CNGB3: variants seen among roughly 807,000 people sequenced by gnomAD.
CNGB3 encodes cyclic nucleotide-gated channel beta-3.
CNGB3 carries 86 observed loss-of-function variants against 92.8 expected under a neutral mutation model. The observed-to-expected ratio is 0.93, with a 90% CI of 0.78 to 1.11. The LOEUF is 1.11. CNGB3 is among the 50% of genes least tolerant of loss of function. The pLI, the probability that CNGB3 is intolerant of heterozygous loss-of-function variation, is 0.00. For synonymous variants in CNGB3, 333 were observed against 332.7 expected (o/e 1.00, Z -0.01); for missense variants, 1,026 against 956.8 (o/e 1.07, Z -0.95).
intron 1 of CNGB3, among the ~76,000 whole-genome samples, chr8:86,740,043 G>A (rs920729986): frequency 6.6e-6 from 1 of 152,156 alleles, no homozygotes; most frequent in African/African-American, 2.4e-5. Context: ...TTTAGTGGTA[G>A]AACTTAAAAT....
chr8:86,617,180 A>T (rs73271568), intron 13 of CNGB3, among the ~76,000 whole-genome samples: 3,604 of 152,284 alleles, frequency 0.024, 148 homozygotes, highest in African/African-American at 0.081. Flanking sequence ...AGGAAATTCC[A>T]CTTTTAATAA....
At chr8:86,677,999 C>T (rs116128698) in intron 3 of CNGB3, among the ~76,000 whole-genome samples, 1,973 of 152,144 alleles carry the variant, frequency 0.013, 38 homozygotes, top group African/African-American at 0.045. Context: ...CGACTTATTT[C>T]TCAAAAATCC....
chr8:86,690,118 G>C (rs1824279238), intron 3 of CNGB3, among the ~76,000 whole-genome samples: 2 of 152,170 alleles, frequency 1.3e-5, no homozygotes, highest in South Asian at 2.1e-4. Context: ...TCTAGTTCTA[G>C]ATCCCTGAGG....
At chr8:86,740,965 T>C (rs12334406) in intron 1 of CNGB3, among the ~76,000 whole-genome samples, 8,531 of 152,208 alleles carry the variant, frequency 0.056, 398 homozygotes, top group African/African-American at 0.13. Context: ...TTTATGTGTA[T>C]ACAAATGTAG....
intron 1 of CNGB3, among the ~76,000 whole-genome samples, chr8:86,740,144 TC>T (rs1175575354): frequency 2.0e-5 from 3 of 152,214 alleles, no homozygotes; most frequent in African/African-American, 7.2e-5. Context: ...ATTTGTCTGA[TC>T]ATCTAAGCTT....
chr8:86,670,541 C>T (rs1036727969), intron 4 of CNGB3, among the ~76,000 whole-genome samples: 1 of 152,026 alleles, frequency 6.6e-6, no homozygotes, highest in African/African-American at 2.4e-5. Flanking sequence ...CTGGATAAAG[C>T]CCCAATGGCA....
At chr8:86,632,707 T>G (rs773980539) in intron 11 of CNGB3, 45 bp downstream of exon 11, 66 of 1,601,952 alleles carry the variant, frequency 4.1e-5, no homozygotes, top group Non-Finnish European at 5.5e-5. Flanking sequence ...TGTTAGTCTT[T>G]CAAAATGACA....
intron 6 of CNGB3, among the ~76,000 whole-genome samples, chr8:86,662,258 T>G (rs1586000867): frequency 6.6e-6 from 1 of 152,248 alleles, no homozygotes; most frequent in Non-Finnish European, 1.5e-5. Flanking sequence ...ACAATTATAA[T>G]GCAGATTAAA....
At chr8:86,625,740 G>T (rs1477878107) in intron 13 of CNGB3, among the ~76,000 whole-genome samples, 1 of 152,050 alleles carries the variant, frequency 6.6e-6, no homozygotes, top group African/African-American at 2.4e-5. Context: ...ATTAATGCAA[G>T]AAGAGTCTGA....
rs764146474 is a variant in CNGB3 at position 86,647,843 on chromosome 8, G to T, written c.948C>A (p.Phe316Leu). The T allele has an allele frequency of 5.6e-6, 9 of 1,596,886 alleles. No homozygotes were observed. Among genetic ancestry groups the T allele is most frequent in the Non-Finnish European group, 7.7e-6 (9 of 1,165,404 alleles). ...CTCTAAACATTGGATTAAACCCAAAGAAGAGGTAGCAAATATCAAATGGTA... is the reference window on the plus strand; with the variant it reads ...CTCTAAACATTGGATTAAACCCAAATAAGAGGTAGCAAATATCAAATGGTA... Reference protein sequence around the residue: ...SIIPFDICYLFFGFNPMFRAN... With the variant: ...SIIPFDICYLLFGFNPMFRAN... Residue 316 changes from phenylalanine to leucine, a missense_variant, in exon 8 of 18, where the codon TTC (phenylalanine) becomes TTA (leucine). Transcript: ENST00000320005.
intron 3 of CNGB3, among the ~76,000 whole-genome samples, chr8:86,696,654 A>AC: frequency 6.6e-6 from 1 of 152,256 alleles, no homozygotes; most frequent in East Asian, 1.9e-4. Flanking sequence ...CTGAATTGAC[A>AC]CCTTTATCAT....
intron 3 of CNGB3, among the ~76,000 whole-genome samples, chr8:86,720,470 A>G (rs2119534): frequency 0.043 from 6,615 of 152,314 alleles, 190 homozygotes; most frequent in East Asian, 0.13. Flanking sequence ...CTCCTGCAAT[A>G]ATGGCCATAA....
intron 13 of CNGB3, among the ~76,000 whole-genome samples, chr8:86,613,794 C>T (rs1056598371): frequency 6.6e-6 from 1 of 150,800 alleles, no homozygotes; most frequent in African/African-American, 2.4e-5. Flanking sequence ...AAATTCCCAA[C>T]TATATTAAGT....
In CNGB3 at chr8:86,704,612, T is replaced by C. The variant is rs1212380702; in HGVS notation, c.338+21919A>G. Among the ~76,000 whole-genome samples, 7 of 152,316 alleles carry C rather than the reference T, an allele frequency of 4.6e-5. No individual in the cohort carries two copies. The East Asian group carries it at 1.4e-3, about 29-fold the overall frequency. ...CATCAGGGACTTGGAGGTTTCTCTCTAACTGATTGGCACTTGGTCCACCAA... is the reference window on the plus strand; with the variant it reads ...CATCAGGGACTTGGAGGTTTCTCTCCAACTGATTGGCACTTGGTCCACCAA... On this transcript the variant is annotated intron_variant, in intron 3 of 17. Transcript: ENST00000320005.
chr8:86,585,781 C>G (rs115716162), intron 15 of CNGB3, among the ~76,000 whole-genome samples: 1 of 152,020 alleles, frequency 6.6e-6, no homozygotes, highest in Admixed American at 6.6e-5. Context: ...GCGATAGACA[C>G]AACAATAAGC....
intron 7 of CNGB3, among the ~76,000 whole-genome samples, chr8:86,649,379 G>T (rs976472548): frequency 6.6e-6 from 1 of 151,182 alleles, no homozygotes; most frequent in South Asian, 2.1e-4. Context: ...TAAGCAAAAA[G>T]CACAAATCTG....
At chr8:86,591,517 T>C (rs1359208596) in intron 15 of CNGB3, among the ~76,000 whole-genome samples, 71 of 149,814 alleles carry the variant, frequency 4.7e-4, no homozygotes, top group African/African-American at 1.6e-3. Flanking sequence ...GATGGGTTTT[T>C]GGTGTGGATG....
chr8:86,631,123 T>C (rs560266189), intron 11 of CNGB3, among the ~76,000 whole-genome samples: 2 of 152,294 alleles, frequency 1.3e-5, no homozygotes, highest in African/African-American at 2.4e-5. Flanking sequence ...GAACCTCAAA[T>C]CCAATTTAAA....
intron 13 of CNGB3, among the ~76,000 whole-genome samples, chr8:86,624,568 C>T (rs1032510166): frequency 1.3e-5 from 2 of 152,172 alleles, no homozygotes; most frequent in Admixed American, 1.3e-4. Flanking sequence ...CTCTGGCTTC[C>T]TTGCAGTGTG....
Sources: allele counts gnomAD v4.1 joint callset (sites outside exome capture counted in the v4.1 genomes callset), GRCh38; gene constraint gnomAD v4.1.1; transcripts MANE v1.5; gene names NCBI Gene and HGNC (gene_info 2026-07-23, HGNC 2026-07-21).